CNTNAP3B: variants seen among roughly 807,000 people sequenced by gnomAD.
CNTNAP3B encodes contactin-associated protein-like 3B.
In CNTNAP3B, 25 loss-of-function variants were observed where a neutral mutation model predicts 108.9. The observed-to-expected ratio is 0.23, with a 90% CI of 0.17 to 0.32. The LOEUF is 0.32. Among genes scored for constraint, CNTNAP3B ranks in the 10% least tolerant of loss-of-function variants. The pLI, the probability that CNTNAP3B is intolerant of heterozygous loss-of-function variation, is 1.00. For synonymous variants in CNTNAP3B, 103 were observed against 473.4 expected, an observed-to-expected ratio of 0.22 and a Z score of 10.16; for missense variants, 252 against 1,210.4, an observed-to-expected ratio of 0.21 and a Z score of 11.75.
At chr9:42,049,556 T>A (rs1419726722) in intron 3 of CNTNAP3B, among the ~76,000 whole-genome samples, 1 of 134,168 alleles carries the variant, frequency 7.5e-6, no homozygotes, top group Non-Finnish European at 1.6e-5. Flanking sequence ...GCGGGTGGGG[T>A]CCCTATTCAT....
intron 3 of CNTNAP3B, among the ~76,000 whole-genome samples, chr9:42,063,242 GAC>G (rs1827205511): frequency 1.6e-5 from 2 of 127,832 alleles, no homozygotes; most frequent in Non-Finnish European, 3.3e-5. Context: ...ATGAACTCTT[GAC>G]TTTGTGTGTG....
chr9:42,127,148 C>T (rs1828589198), intron 1 of CNTNAP3B, among the ~76,000 whole-genome samples: 1 of 138,414 alleles, frequency 7.2e-6, no homozygotes, highest in Non-Finnish European at 1.5e-5. Flanking sequence ...TAAGTTTCAT[C>T]AACGAAAGAA....
chr9:42,089,236 G>A (rs1418857503), intron 2 of CNTNAP3B, among the ~76,000 whole-genome samples: 5 of 121,408 alleles, frequency 4.1e-5, no homozygotes, highest in East Asian at 2.6e-4. Context: ...AAATGTAGGG[G>A]AATTTAATTC....
At chr9:41,941,112 T>A (rs1309915830) in intron 13 of CNTNAP3B, among the ~76,000 whole-genome samples, 4 of 150,636 alleles carry the variant, frequency 2.7e-5, no homozygotes, top group African/African-American at 4.9e-5. Flanking sequence ...CAAATAGACA[T>A]AAGGATTCCA....
At chr9:41,917,024 C>A (rs1275147411) in intron 18 of CNTNAP3B, among the ~76,000 whole-genome samples, 12 of 151,832 alleles carry the variant, frequency 7.9e-5, no homozygotes, top group African/African-American at 2.9e-4. Flanking sequence ...ATATAAACTT[C>A]TTTGTGTCAT....
intron 3 of CNTNAP3B, among the ~76,000 whole-genome samples, chr9:42,046,643 T>A (rs1826880651): frequency 1.1e-5 from 1 of 94,266 alleles, no homozygotes; most frequent in Non-Finnish European, 2.2e-5. Flanking sequence ...CAGCAAAATG[T>A]AAATTTTAAA....
chr9:42,054,660 A>T (rs1436161453), intron 3 of CNTNAP3B, among the ~76,000 whole-genome samples: 1 of 151,724 alleles, frequency 6.6e-6, no homozygotes, highest in African/African-American at 2.4e-5. Context: ...CATTCATTCA[A>T]CATTAAACAT....
At chr9:42,071,967 A>G (rs1421280067) in intron 3 of CNTNAP3B, among the ~76,000 whole-genome samples, 2 of 149,604 alleles carry the variant, frequency 1.3e-5, no homozygotes, top group Admixed American at 1.3e-4. Flanking sequence ...GGATGTGACT[A>G]TTTGACATCC....
intron 14 of CNTNAP3B, among the ~76,000 whole-genome samples, chr9:41,935,683 G>T (rs1247236930): frequency 2.9e-3 from 443 of 152,002 alleles, no homozygotes; most frequent in Middle Eastern, 6.8e-3. Flanking sequence ...AATGCTTGTG[G>T]TCTTACTGTT....
At chr9:41,922,457 C>T (rs887753655) in intron 17 of CNTNAP3B, among the ~76,000 whole-genome samples, 3 of 141,038 alleles carry the variant, frequency 2.1e-5, no homozygotes, top group Non-Finnish European at 1.5e-5. Flanking sequence ...CACAGTGAGA[C>T]TCTGTCTGAA....
intron 13 of CNTNAP3B, among the ~76,000 whole-genome samples, chr9:41,947,235 A>G (rs1438883213): frequency 6.6e-6 from 1 of 151,942 alleles, no homozygotes; most frequent in Non-Finnish European, 1.5e-5. Context: ...ATGCCCATGA[A>G]AAATTTACAA....
At position 41,972,475 on chromosome 9, in the gene CNTNAP3B, TA is replaced by T. The variant is rs1825438359; in HGVS notation, c.1478-2231del. On this transcript the variant is annotated intron_variant, in intron 9 of 23. Transcript: ENST00000377561. The stretch of plus-strand genomic sequence containing the variant: ...TCTTATTTCCTCCCTAAAAGTTCCA[TA>T]AAAATTAAATGTTGTGTTTAGATTT... 1.5e-5 allele frequency among the ~76,000 whole-genome samples: 2 copies of T among 135,622 alleles called. 1 individual carries two copies. The highest frequency in any genetic ancestry group is 5.9e-5 in the African/African-American group (2 of 33,760). 89.0% of individuals were successfully genotyped at this position (135,622 alleles called of 152,430 possible). A position where few individuals can be genotyped will look rare whatever the true frequency, so the allele number is the denominator to read the frequency against.
At position 42,003,158 on chromosome 9, in the gene CNTNAP3B, G is replaced by A. The variant is rs541276536; in HGVS notation, c.539-4554C>T. 3.6e-3 allele frequency among the ~76,000 whole-genome samples: 499 copies of A among 139,662 alleles called. 41 individuals carry two copies. Among genetic ancestry groups the A allele is most frequent in the Non-Finnish European group, 6.3e-3 (408 of 64,630 alleles). The allele number at this position is 139,662 out of a possible 152,430, so 91.6% of individuals were successfully genotyped here. A position where few individuals can be genotyped will look rare whatever the true frequency, so the allele number is the denominator to read the frequency against. ...CCCACCTCAGCTTCACAAAGTGCTGGGATTACAGGCATAAGCCACCCCGCC... is the reference window on the plus strand; with the variant it reads ...CCCACCTCAGCTTCACAAAGTGCTGAGATTACAGGCATAAGCCACCCCGCC... On this transcript the variant is annotated intron_variant, in intron 4 of 23. Coordinates refer to ENST00000377561, the MANE Select transcript of CNTNAP3B (RefSeq NM_001201380.3).
intron 3 of CNTNAP3B, among the ~76,000 whole-genome samples, chr9:42,030,936 G>T (rs1178165347): frequency 4.5e-5 from 5 of 111,298 alleles, no homozygotes; most frequent in African/African-American, 1.1e-4. Context: ...GGATCTCTCA[G>T]AAGACACTTC....
At chr9:42,090,719 A>G (rs1156516992) in intron 2 of CNTNAP3B, among the ~76,000 whole-genome samples, 1 of 31,856 alleles carries the variant, frequency 3.1e-5, no homozygotes, top group Non-Finnish European at 7.1e-5. Context: ...ACATATATGT[A>G]TATGTGTATA....
At chr9:42,089,231 T>G in intron 2 of CNTNAP3B, among the ~76,000 whole-genome samples, 1 of 121,996 alleles carries the variant, frequency 8.2e-6, no homozygotes, top group Non-Finnish European at 1.7e-5. Context: ...AAGAAAAATG[T>G]AGGGGAATTT....
rs201992758 is a variant in CNTNAP3B at position 41,964,553 on chromosome 9, C to T, written c.1741G>A (p.Glu581Lys). The stretch of plus-strand genomic sequence containing the variant: ...TGAGGCTTACAGGAATGGCAGGTCT[C>T]GCCCGTATAGCCTGTGCCTAGACAG... ...CDCLGTGYTG[E>K]TCHSSLYEQS... The change falls in exon 11 of 24, where the codon GAG becomes AAG. Residue 581 changes from glutamate to lysine, a missense_variant. Physicochemically the swap from Glu to Lys is moderately conservative, Grantham distance 56. Coordinates refer to ENST00000377561, the MANE Select transcript of CNTNAP3B (RefSeq NM_001201380.3). 2.2e-3 allele frequency: 3,313 copies of T among 1,536,530 alleles called. 3 individuals are homozygous for T. Among genetic ancestry groups the T allele is most frequent in the Admixed American group, 3.1e-3 (152 of 49,680 alleles).
chr9:41,958,995 CG>C (rs1156655352), intron 12 of CNTNAP3B, among the ~76,000 whole-genome samples: 30 of 140,054 alleles, frequency 2.1e-4, no homozygotes, highest in African/African-American at 7.4e-4. Context: ...TCCAACAATT[CG>C]TCAATTAAGT....
intron 12 of CNTNAP3B, among the ~76,000 whole-genome samples, chr9:41,956,347 C>G (rs1331564894): frequency 1.3e-5 from 2 of 152,068 alleles, no homozygotes; most frequent in Non-Finnish European, 2.9e-5. Context: ...GATCGTGCCA[C>G]TGTACTCCAG....
Sources: gnomAD v4.1 joint callset for allele counts (sites outside exome capture counted in the v4.1 genomes callset) on GRCh38, gnomAD v4.1.1 for gene constraint, MANE v1.5 for transcripts, NCBI Gene and HGNC (gene_info 2026-07-23, HGNC 2026-07-21) for gene names.